PRKX: variants seen among roughly 807,000 people sequenced by gnomAD.
The protein encoded by PRKX is protein kinase cAMP-dependent X-linked catalytic subunit, also known as cAMP-dependent protein kinase catalytic subunit PRKX.
A neutral mutation model predicts 22.0 loss-of-function variants in PRKX; 12 were observed. The ratio of observed to expected loss-of-function variants is 0.54; its 90% CI spans 0.35 to 0.88. PRKX has a LOEUF of 0.88. Among genes scored for constraint, PRKX ranks in the 40% least tolerant of loss-of-function variants. The pLI, the probability that PRKX is intolerant of heterozygous loss-of-function variation, is 0.01. For synonymous variants in PRKX, 134 were observed against 137.7 expected, an observed-to-expected ratio of 0.97 and a Z score of 0.19; for missense variants, 217 against 308.0, an observed-to-expected ratio of 0.70 and a Z score of 2.21.
At chrX:3,613,150 CAAAAAAAAAAAAAAAAA>C (rs528688936) in intron 7 of PRKX, among the ~76,000 whole-genome samples, 50 of 54,323 alleles carry the variant, frequency 9.2e-4, no homozygotes, top group Non-Finnish European at 1.3e-3. Flanking sequence ...GACTTCGTCT[CAAAAAAAAAAAAAAAAA>C]AAAAAAAAAA....
At chrX:3,705,205 G>GT (rs1474371616) in intron 1 of PRKX, among the ~76,000 whole-genome samples, 2 of 111,102 alleles carry the variant, frequency 1.8e-5, no homozygotes, top group African/African-American at 6.5e-5. Context: ...GAGTTTGGTG[G>GT]GGACCGGCTT....
chrX:3,682,680 C>T (rs958853496), intron 1 of PRKX, among the ~76,000 whole-genome samples: 4 of 111,364 alleles, frequency 3.6e-5, no homozygotes, highest in Non-Finnish European at 7.5e-5. Context: ...GATGCGGCCA[C>T]AAGCCCAGGG....
At chrX:3,710,653 T>A (rs1422645779) in intron 1 of PRKX, among the ~76,000 whole-genome samples, 2 of 111,598 alleles carry the variant, frequency 1.8e-5, no homozygotes, top group African/African-American at 6.5e-5. Context: ...GGACTACAGG[T>A]ATGAGCCACC....
chrX:3,689,215 T>A lies in PRKX; in HGVS notation c.167-14449A>T, dbSNP rs1197013366. Among the ~76,000 whole-genome samples the A allele has an allele frequency of 2.7e-5, 3 of 112,343 alleles. No homozygotes were observed. The Admixed American group carries it at 2.8e-4, about 11-fold the overall frequency. On this transcript the variant is annotated intron_variant, in intron 1 of 8. Coordinates refer to ENST00000262848, the MANE Select transcript of PRKX (RefSeq NM_005044.5). ...AACTCAGTTCTTTTCCTTGACATTT[T>A]CCCCCCTGGGTAAAATCAATAAAAG...
At position 3,674,738 on chromosome X, in the gene PRKX, C is replaced by G; in HGVS notation, c.195G>C (p.Leu65=). 3.3e-6 allele frequency: 4 copies of G among 1,211,157 alleles called. No homozygotes were observed. Among genetic ancestry groups the G allele is most frequent in the Non-Finnish European group, 4.5e-6 (4 of 894,870 alleles). The part of the protein sequence containing the change: ...VGTGTFGRVH[L]VKEKTAKHFF... ...AATGCTTGGCTGTCTTCTCCTTCAC[C>G]AGGTGCACCCGCCCGAACGTCCCAG... Residue 65 remains leucine (L), a synonymous_variant, in exon 2 of 9, where the codon CTG becomes CTC. Transcript: ENST00000262848.
intron 2 of PRKX, among the ~76,000 whole-genome samples, chrX:3,661,145 A>G (rs374074302): frequency 4.5e-5 from 5 of 111,865 alleles, no homozygotes; most frequent in Admixed American, 1.9e-4. Flanking sequence ...CATCTTTAAG[A>G]AGTAACAGTT....
chrX:3,695,069 T>C (rs889829194), intron 1 of PRKX, among the ~76,000 whole-genome samples: 1 of 111,487 alleles, frequency 9.0e-6, no homozygotes, highest in South Asian at 3.8e-4. Flanking sequence ...GCTGGATATC[T>C]TGGGAAAAAT....
At chrX:3,649,465 T>C (rs1269666890) in intron 3 of PRKX, among the ~76,000 whole-genome samples, 4 of 96,789 alleles carry the variant, frequency 4.1e-5, no homozygotes, top group Non-Finnish European at 8.2e-5. Flanking sequence ...AAGAGCCTGG[T>C]GAACGCAAGT....
Position 3,652,128 on chromosome X carries a change from AC to A in PRKX, c.599+3020del, listed in dbSNP as rs1483733024. ...GGAGGTGGGTGAGAGATAAAAGACT[AC>A]ATACTGGGGCCGGGTGCGGTGGCTC... On this transcript the variant is annotated intron_variant, in intron 3 of 8. Coordinates refer to ENST00000262848, the MANE Select transcript of PRKX (RefSeq NM_005044.5). Among the ~76,000 whole-genome samples the A allele has an allele frequency of 3.6e-5, 4 of 110,766 alleles. No individual in the cohort carries two copies. The Admixed American group carries it at 3.9e-4, about 11-fold the overall frequency.
chrX:3,612,873 C>T (rs1244284941), intron 7 of PRKX, among the ~76,000 whole-genome samples: 1 of 110,432 alleles, frequency 9.1e-6, no homozygotes, highest in Non-Finnish European at 1.9e-5. Context: ...AGGAAGCTGG[C>T]TAGGCGCAGT....
chrX:3,650,243 G>A (rs777808198), intron 3 of PRKX, among the ~76,000 whole-genome samples: 3 of 110,846 alleles, frequency 2.7e-5, no homozygotes, highest in Non-Finnish European at 3.8e-5. Context: ...GAAAAATGGC[G>A]GGGCACGGTG....
chrX:3,676,769 G>C (rs1362877106), intron 1 of PRKX, among the ~76,000 whole-genome samples: 2 of 111,809 alleles, frequency 1.8e-5, no homozygotes, highest in Non-Finnish European at 3.8e-5. Context: ...GAGAGACCAG[G>C]TGGGAGGTAA....
At chrX:3,630,001 C>A (rs1435116348) in intron 4 of PRKX, among the ~76,000 whole-genome samples, 2 of 112,162 alleles carry the variant, frequency 1.8e-5, no homozygotes, top group Non-Finnish European at 3.8e-5. Context: ...CATGCAAATA[C>A]AGCCTTGAAA....
At chrX:3,647,073 T>C (rs1927203526) in intron 3 of PRKX, among the ~76,000 whole-genome samples, 1 of 111,184 alleles carries the variant, frequency 9.0e-6, no homozygotes, top group African/African-American at 3.3e-5. Flanking sequence ...CTAAAGTAAC[T>C]AGAAAGACTT....
At chrX:3,635,040 T>C (rs875487) in intron 4 of PRKX, among the ~76,000 whole-genome samples, 19,073 of 111,711 alleles carry the variant, frequency 0.17, 1,461 homozygotes, top group East Asian at 0.35. Flanking sequence ...GGTTACACAT[T>C]TTTTTCATTT....
intron 1 of PRKX, among the ~76,000 whole-genome samples, chrX:3,694,731 C>A (rs912059404): frequency 9.0e-6 from 1 of 111,317 alleles, no homozygotes; most frequent in African/African-American, 3.3e-5. Flanking sequence ...TGAGATCGCG[C>A]TGGAAAAGGG....
rs1168338345 is a variant in PRKX at position 3,607,203 on chromosome X, TA to T, written c.*1765del. ...TTTTATAGTCAGCAAACATGAGACT[TA>T]AAAGCTTTTCCTTCTAGCTCCACAT... On this transcript the variant is annotated 3_prime_UTR_variant, in exon 9 of 9. Transcript: ENST00000262848. The T allele has an allele frequency of 4.5e-5, 5 of 112,272 alleles. No homozygotes were observed. Among genetic ancestry groups the T allele is most frequent in the Non-Finnish European group, 9.4e-5 (5 of 53,343 alleles). 9.3% of individuals were successfully genotyped at this position (112,272 alleles called of 1,213,427 possible). A position where few individuals can be genotyped will look rare whatever the true frequency, so the allele number is the denominator to read the frequency against.
rs1171853204 is a variant in PRKX, at chrX:3,628,197, A to G, written c.720-1683T>C. Among the ~76,000 whole-genome samples, 3 of 111,300 alleles carry G rather than the reference A, an allele frequency of 2.7e-5. No homozygotes were observed. The East Asian group carries it at 8.5e-4, about 32-fold the overall frequency. On this transcript the variant is annotated intron_variant, in intron 4 of 8. Coordinates refer to ENST00000262848, the MANE Select transcript of PRKX (RefSeq NM_005044.5). ...TACTCATACATGAAAGCTAAAAAAA[A>G]GCTGATCTCCTGAAAGGATAAAGAA...
chrX:3,713,141 G>A lies in PRKX; in HGVS notation c.113C>T (p.Ser38Leu). Residue 38 changes from serine (S) to leucine (L), a missense_variant, in exon 1 of 9, where the codon TCG (serine) becomes TTG (leucine). Transcript: ENST00000262848. ...PALCPSPEAL[S>L]PEPPVYSLQD... ...CAGGCTGTACACAGGCGGCTCCGGC[G>A]ACAGCGCCTCAGGGCTGGGGCAGAG... The A allele has an allele frequency of 2.6e-6, 3 of 1,155,059 alleles. No homozygotes were observed. The highest frequency in any genetic ancestry group is 3.4e-6 in the Non-Finnish European group (3 of 871,343).
Sources: gnomAD v4.1 joint callset for allele counts (sites outside exome capture counted in the v4.1 genomes callset) on GRCh38, gnomAD v4.1.1 for gene constraint, MANE v1.5 for transcripts, NCBI Gene and HGNC (gene_info 2026-07-23, HGNC 2026-07-21) for gene names.